Variants in R3HDM2 observed in about 807,000 individuals in gnomAD.
The protein encoded by R3HDM2 is R3H domain containing 2.
A neutral mutation model predicts 124.5 loss-of-function variants in R3HDM2; 38 were observed. The observed-to-expected ratio is 0.31, with a 90% CI of 0.24 to 0.40. R3HDM2 has a LOEUF of 0.40. Among genes scored for constraint, R3HDM2 ranks in the 10% least tolerant of loss-of-function variants. R3HDM2 has a pLI of 1.00. For synonymous variants in R3HDM2, 391 were observed against 448.0 expected, an observed-to-expected ratio of 0.87 and a Z score of 1.61; for missense variants, 869 against 1,236.9, an observed-to-expected ratio of 0.70 and a Z score of 4.46.
At position 57,299,421 on chromosome 12, in the gene R3HDM2, T is replaced by C; in HGVS notation, c.352A>G (p.Lys118Glu). ...TTGTCTTCCTTTTCAGAGACATCTT[T>C]TGTGGACTTTTCTTCCTCCTTGTCA... ...PSDKEEEKST[K>E]DVSEKEDKDK... Residue 118 changes from lysine to glutamate, a missense_variant, in exon 6 of 24, where the codon AAA becomes GAA. Physicochemically the swap from Lys to Glu is moderately conservative, Grantham distance 56 (BLOSUM62 1). Coordinates refer to ENST00000402412, the MANE Select transcript of R3HDM2 (RefSeq NM_001394031.1). 6.5e-7 allele frequency: 1 copy of C among 1,544,170 alleles called. No homozygotes were observed. The highest frequency in any genetic ancestry group is 8.8e-7 in the Non-Finnish European group (1 of 1,139,934).
intron 1 of R3HDM2, among the ~76,000 whole-genome samples, chr12:57,423,065 TGAA>T (rs1420968519): frequency 6.6e-6 from 1 of 152,018 alleles, no homozygotes; most frequent in African/African-American, 2.4e-5. Flanking sequence ...ACCAAATATT[TGAA>T]GAAGGAGAGG....
intron 2 of R3HDM2, among the ~76,000 whole-genome samples, chr12:57,382,941 C>T (rs1172329044): frequency 6.6e-6 from 1 of 152,012 alleles, no homozygotes; most frequent in African/African-American, 2.4e-5. Context: ...CGCAATCTCG[C>T]CTGACTGCAA....
In R3HDM2 at chr12:57,298,217, A is replaced by T. The variant is rs1481701212; in HGVS notation, c.422-49T>A. 6 of 1,362,154 alleles carry T rather than the reference A, an allele frequency of 4.4e-6. No homozygotes were observed. In the East Asian group the frequency reaches 1.3e-4, roughly 28 times the overall value. 84.4% of individuals were successfully genotyped at this position (1,362,154 alleles called of 1,614,324 possible). On this transcript the variant is annotated intron_variant, in intron 6 of 23. Coordinates refer to ENST00000402412, the MANE Select transcript of R3HDM2 (RefSeq NM_001394031.1). ...ATTAAAATACATGAAACTGCTTTGCATGCTATCTAATCCTAAGCAGAAGTC... is the reference window on the plus strand; with the variant it reads ...ATTAAAATACATGAAACTGCTTTGCTTGCTATCTAATCCTAAGCAGAAGTC...
chr12:57,275,779 T>C (rs1293616662), intron 14 of R3HDM2, among the ~76,000 whole-genome samples: 4 of 152,206 alleles, frequency 2.6e-5, no homozygotes, highest in African/African-American at 9.6e-5. Context: ...GATACCACCT[T>C]ACTCCTGCAA....
chr12:57,271,468 A>AC (rs1761836490), intron 14 of R3HDM2, among the ~76,000 whole-genome samples: 1 of 151,564 alleles, frequency 6.6e-6, no homozygotes, highest in Admixed American at 6.6e-5. Flanking sequence ...ACACGCACAC[A>AC]CAACTAGCAG....
At chr12:57,317,528 C>T (rs1032935305) in intron 2 of R3HDM2, among the ~76,000 whole-genome samples, 2 of 151,510 alleles carry the variant, frequency 1.3e-5, no homozygotes, top group East Asian at 1.9e-4. Context: ...TAGTCAATCT[C>T]GACCCTCCCT....
At chr12:57,380,459 C>A (rs749654575) in intron 2 of R3HDM2, among the ~76,000 whole-genome samples, 1 of 152,124 alleles carries the variant, frequency 6.6e-6, no homozygotes, top group Non-Finnish European at 1.5e-5. Context: ...TCCTGCAAAG[C>A]CTAACTGCAA....
intron 3 of R3HDM2, among the ~76,000 whole-genome samples, chr12:57,304,798 G>A (rs760027513): frequency 1.3e-5 from 2 of 152,156 alleles, no homozygotes; most frequent in Non-Finnish European, 2.9e-5. Flanking sequence ...CTCCTAAATG[G>A]TCAACCAGTA....
chr12:57,395,459 C>T (rs1011216755), intron 2 of R3HDM2, among the ~76,000 whole-genome samples: 3 of 151,812 alleles, frequency 2.0e-5, no homozygotes, highest in East Asian at 1.9e-4. Context: ...GTTGAGATGG[C>T]GCCACTGCAC....
At chr12:57,276,052 C>G (rs1457547710) in intron 14 of R3HDM2, among the ~76,000 whole-genome samples, 1 of 151,918 alleles carries the variant, frequency 6.6e-6, no homozygotes, top group African/African-American at 2.4e-5. Flanking sequence ...CCCGTCTCTA[C>G]TAAAAATACA....
intron 23 of R3HDM2, 32 bp downstream of exon 23, chr12:57,255,958 T>C (rs374047050): frequency 6.3e-7 from 1 of 1,592,818 alleles, no homozygotes; most frequent in African/African-American, 1.3e-5. Context: ...GGTGGGCACC[T>C]TCTCTTGGGG....
chr12:57,393,006 A>G (rs764067209), intron 2 of R3HDM2, among the ~76,000 whole-genome samples: 31 of 151,922 alleles, frequency 2.0e-4, no homozygotes, highest in Admixed American at 4.6e-4. Flanking sequence ...GGGTTTCACC[A>G]TGTTAGCCAG....
intron 2 of R3HDM2, chr12:57,341,449 C>A (rs1466072651): frequency 3.1e-6 from 3 of 981,226 alleles, no homozygotes; most frequent in African/African-American, 1.8e-5. Flanking sequence ...AAAAAGACTG[C>A]AAACAAAATC....
At chr12:57,387,784 CA>C (rs2066060492) in intron 2 of R3HDM2, among the ~76,000 whole-genome samples, 1 of 151,936 alleles carries the variant, frequency 6.6e-6, no homozygotes, top group South Asian at 2.1e-4. Flanking sequence ...CATGGGCGGA[CA>C]AAAAGTGTCC....
intron 2 of R3HDM2, among the ~76,000 whole-genome samples, chr12:57,311,601 G>A (rs1251893636): frequency 6.6e-6 from 1 of 151,974 alleles, no homozygotes; most frequent in Non-Finnish European, 1.5e-5. Flanking sequence ...TTGAACTCCT[G>A]GACTTAAGTG....
At chr12:57,309,941 G>A (rs1352210511) in intron 3 of R3HDM2, among the ~76,000 whole-genome samples, 1 of 152,200 alleles carries the variant, frequency 6.6e-6, no homozygotes, top group Non-Finnish European at 1.5e-5. Flanking sequence ...GCCGGGCACA[G>A]TGGCTCACAC....
At chr12:57,286,523 C>T (rs901474456) in intron 12 of R3HDM2, among the ~76,000 whole-genome samples, 3 of 152,148 alleles carry the variant, frequency 2.0e-5, no homozygotes, top group African/African-American at 4.8e-5. Flanking sequence ...TAAGTGCCCA[C>T]GATGCTGCAT....
chr12:57,295,607 A>G lies in R3HDM2; in HGVS notation c.702-100T>C, dbSNP rs2049608584. ...AGCTCTCCTAAATTACACAACTCAC[A>G]CTCAGGGAATTTCTGGAGTAAGGAA... On this transcript the variant is annotated intron_variant, in intron 9 of 23. Transcript: ENST00000402412. 21 of 772,540 alleles carry G rather than the reference A, an allele frequency of 2.7e-5. No homozygotes were observed. In the South Asian group the frequency reaches 3.5e-4, roughly 13 times the overall value. 47.9% of individuals were successfully genotyped at this position (772,540 alleles called of 1,614,324 possible).
intron 19 of R3HDM2, among the ~76,000 whole-genome samples, chr12:57,266,060 G>A (rs2042299869): frequency 6.6e-6 from 1 of 150,608 alleles, no homozygotes; most frequent in South Asian, 2.1e-4. Context: ...GCCTCCCAAA[G>A]TGTTGGGATT....
Sources: gnomAD v4.1 joint callset for allele counts (sites outside exome capture counted in the v4.1 genomes callset) on GRCh38, gnomAD v4.1.1 for gene constraint, MANE v1.5 for transcripts, NCBI Gene and HGNC (gene_info 2026-07-23, HGNC 2026-07-21) for gene names.